The following PTPRM variants were observed in gnomAD, a reference collection of about 807,000 sequenced individuals.
PTPRM encodes receptor-type tyrosine-protein phosphatase mu.
PTPRM carries 47 observed loss-of-function variants against 186.7 expected under a neutral mutation model. The ratio of observed to expected loss-of-function variants is 0.25; its 90% confidence interval spans 0.20 to 0.32. The LOEUF (loss-of-function observed/expected upper bound fraction) is 0.32, where lower values mean the gene tolerates loss of function less well. PTPRM is among the 10% of genes least tolerant of loss of function. The probability of loss-of-function intolerance (pLI) is 1.00; values close to 1 mark genes in which losing one functional copy is unlikely to be tolerated. For synonymous variants in PTPRM, 668 were observed against 674.9 expected (o/e 0.99, Z 0.16); for missense variants, 1,494 against 1,865.0 (o/e 0.80, Z 3.66).
intron 11 of PTPRM, among the ~76,000 whole-genome samples, chr18:8,099,544 T>C (rs896991267): frequency 6.6e-5 from 10 of 152,126 alleles, no homozygotes; most frequent in African/African-American, 1.4e-4. Context: ...GGCCGGGACA[T>C]TGGGGAAGTA....
intron 14 of PTPRM, among the ~76,000 whole-genome samples, chr18:8,201,608 C>A (rs137975657): frequency 1.1e-4 from 16 of 152,304 alleles, no homozygotes; most frequent in African/African-American, 3.6e-4. Context: ...TCTAAGATCA[C>A]GGTGCTGACC....
Position 8,113,486 on chromosome 18 carries a change from T to G in PTPRM, c.1857T>G (p.Ser619Arg). The change falls in exon 12 of 33, where the codon AGT (serine) becomes AGG (arginine). Residue 619 changes from serine (S) to arginine (R), a missense_variant and splice_region_variant. This residue lies in a region of PTPRM where 1,107 missense variants were observed against 1,350.2 expected (regional missense o/e 0.82). Coordinates refer to ENST00000580170, the MANE Select transcript of PTPRM (RefSeq NM_001105244.2). ...KPAHSRGAPV[S>R]VYQIVVEEER... Reference sequence around the variant, plus strand: ...ATTGATGGTACTCTTGTTTTTCTAGTGTCTATCAAATAGTTGTTGAGGAAG... The same window carrying G: ...ATTGATGGTACTCTTGTTTTTCTAGGGTCTATCAAATAGTTGTTGAGGAAG... The G allele has an allele frequency of 6.2e-7, 1 of 1,611,920 alleles. No homozygotes were observed. The highest frequency in any genetic ancestry group is 8.5e-7 in the Non-Finnish European group (1 of 1,178,228).
At chr18:7,766,702 C>T (rs2042031760) in intron 1 of PTPRM, among the ~76,000 whole-genome samples, 1 of 152,184 alleles carries the variant, frequency 6.6e-6, no homozygotes, top group South Asian at 2.1e-4. Context: ...TCAGGGAGGC[C>T]ACTCCTTCCT....
intron 23 of PTPRM, among the ~76,000 whole-genome samples, chr18:8,355,062 G>A (rs560854741): frequency 2.7e-4 from 41 of 152,278 alleles, no homozygotes; most frequent in African/African-American, 9.4e-4. Context: ...AAGACAGAAG[G>A]GGATGCCTTC....
At chr18:7,592,002 G>GAAGTTTA (rs151243717) in intron 1 of PTPRM, among the ~76,000 whole-genome samples, 10,828 of 152,170 alleles carry the variant, frequency 0.071, 525 homozygotes, top group African/African-American at 0.13. Context: ...AGAAAACTTT[G>GAAGTTTA]AAGTTTATTT....
intron 2 of PTPRM, among the ~76,000 whole-genome samples, chr18:7,840,278 A>T (rs999501780): frequency 6.6e-6 from 1 of 152,142 alleles, no homozygotes; most frequent in African/African-American, 2.4e-5. Context: ...TGCAGGAAAG[A>T]CCATCCTTCT....
At chr18:7,743,921 C>T (rs1028040681) in intron 1 of PTPRM, among the ~76,000 whole-genome samples, 4 of 151,928 alleles carry the variant, frequency 2.6e-5, no homozygotes, top group East Asian at 1.9e-4. Context: ...ATGAGTATCC[C>T]GAAATAACTG....
chr18:8,247,710 T>G (rs2094490678), intron 15 of PTPRM, 135 bp from the exon 16 acceptor site: 7 of 630,024 alleles, frequency 1.1e-5, no homozygotes, highest in Non-Finnish European at 2.0e-5. Flanking sequence ...AATGATGATA[T>G]TTCCCACATA....
chr18:7,582,919 C>T (rs773379199), intron 1 of PTPRM, among the ~76,000 whole-genome samples: 13 of 152,174 alleles, frequency 8.5e-5, no homozygotes, highest in Non-Finnish European at 1.8e-4. Flanking sequence ...CTTGAGTTCT[C>T]AAGGTGGCTG....
intron 7 of PTPRM, among the ~76,000 whole-genome samples, chr18:7,988,230 A>T (rs994114953): frequency 5.9e-5 from 9 of 152,088 alleles, no homozygotes; most frequent in Admixed American, 1.3e-4. Flanking sequence ...CTCAAAAAAA[A>T]ACCAAACAAA....
chr18:7,646,865 C>T (rs1258910383), intron 1 of PTPRM, among the ~76,000 whole-genome samples: 1 of 151,946 alleles, frequency 6.6e-6, no homozygotes, highest in African/African-American at 2.4e-5. Context: ...TCACATCATC[C>T]TTGTTTCCTC....
intron 14 of PTPRM, among the ~76,000 whole-genome samples, chr18:8,164,575 G>A (rs2093288543): frequency 6.6e-6 from 1 of 152,218 alleles, no homozygotes; most frequent in African/African-American, 2.4e-5. Context: ...AGGACATCAT[G>A]CTACATGAAA....
intron 11 of PTPRM, among the ~76,000 whole-genome samples, chr18:8,099,503 G>C (rs548464618): frequency 6.6e-6 from 1 of 152,254 alleles, no homozygotes; most frequent in East Asian, 1.9e-4. Flanking sequence ...CAAAAACTAT[G>C]ACTGGGTTTG....
intron 24 of PTPRM, among the ~76,000 whole-genome samples, chr18:8,372,588 C>G (rs975649834): frequency 6.6e-6 from 1 of 151,400 alleles, no homozygotes; most frequent in Non-Finnish European, 1.5e-5. Flanking sequence ...CATTTTTTTT[C>G]TTAGCCTGTC....
chr18:7,656,159 A>C (rs1214638867), intron 1 of PTPRM, among the ~76,000 whole-genome samples: 1 of 152,248 alleles, frequency 6.6e-6, no homozygotes, highest in African/African-American at 2.4e-5. Flanking sequence ...CACGATAGCC[A>C]AAAGGTAGAA....
At chr18:8,219,971 CA>C (rs2094136587) in intron 14 of PTPRM, among the ~76,000 whole-genome samples, 1 of 152,046 alleles carries the variant, frequency 6.6e-6, no homozygotes, top group Admixed American at 6.6e-5. Flanking sequence ...GCCTAAACTC[CA>C]AAAGGGGGCG....
At chr18:7,767,370 G>A (rs2042062216) in intron 1 of PTPRM, among the ~76,000 whole-genome samples, 1 of 152,150 alleles carries the variant, frequency 6.6e-6, no homozygotes, top group African/African-American at 2.4e-5. Context: ...AAGATGTCAT[G>A]ACTATGAGTC....
At chr18:8,015,976 C>T (rs1224335080) in intron 7 of PTPRM, among the ~76,000 whole-genome samples, 1 of 152,126 alleles carries the variant, frequency 6.6e-6, no homozygotes, top group Non-Finnish European at 1.5e-5. Context: ...CCTAAAATGT[C>T]TTCTAAGAAG....
chr18:8,330,138 C>G (rs1414459759), intron 22 of PTPRM, among the ~76,000 whole-genome samples: 1 of 152,160 alleles, frequency 6.6e-6, no homozygotes, highest in African/African-American at 2.4e-5. Context: ...TTCTCCACCC[C>G]TACCCCATTT....
Sources: allele counts gnomAD v4.1 joint callset (sites outside exome capture counted in the v4.1 genomes callset), GRCh38; gene constraint gnomAD v4.1.1; regional missense constraint gnomAD v4.1.1; transcripts MANE v1.5; gene names NCBI Gene and HGNC (gene_info 2026-07-23, HGNC 2026-07-21).